MAP3K12: variants seen among roughly 807,000 people sequenced by gnomAD.
MAP3K12 encodes the protein MAPK-upstream kinase.
Under a neutral mutation model 87.5 loss-of-function variants are expected in MAP3K12, and 14 were observed. The ratio of observed to expected loss-of-function variants is 0.16; its 90% CI spans 0.11 to 0.25. The LOEUF (loss-of-function observed/expected upper bound fraction) is 0.25. MAP3K12 is among the 10% of genes least tolerant of loss of function. The pLI is 1.00. For missense variants in MAP3K12, 802 were observed against 1,140.4 expected, an observed-to-expected ratio of 0.70 and a Z score of 4.27; for synonymous variants, 469 against 452.5, an observed-to-expected ratio of 1.04 and a Z score of -0.46.
chr12:53,490,539 A>T (rs1212211991), intron 1 of MAP3K12, among the ~76,000 whole-genome samples: 1 of 151,998 alleles, frequency 6.6e-6, no homozygotes, highest in Non-Finnish European at 1.5e-5. Flanking sequence ...AGGTCAGGAG[A>T]TCGAGACCAT....
rs1943246856 is a variant in MAP3K12, at chr12:53,487,079, C to T, written c.313G>A (p.Val105Ile). 2 of 1,613,986 alleles carry T rather than the reference C, an allele frequency of 1.2e-6. No homozygotes were observed. The highest frequency in any genetic ancestry group is 1.7e-6 in the Non-Finnish European group (2 of 1,180,010). ...TGCAGTCGCACCTCGTCAGCTCGAA[C>T]TCTGGATGCCCGACTCTCAGGTGAC... ...AGSPESRASR[V>I]RADEVRLQCQ... The change falls in exon 2 of 14, where the codon GTT becomes ATT. Residue 105 changes from valine (V) to isoleucine (I), a missense_variant. Physicochemically the swap from Val to Ile is conservative, Grantham distance 29 (BLOSUM62 3). This residue lies in a region of MAP3K12 where 135 missense variants were observed against 151.6 expected (regional missense o/e 0.89). Coordinates refer to ENST00000547488, the MANE Select transcript of MAP3K12 (RefSeq NM_001193511.2).
chr12:53,489,219 C>T (rs1943333896), intron 1 of MAP3K12, among the ~76,000 whole-genome samples: 1 of 152,018 alleles, frequency 6.6e-6, no homozygotes, highest in Non-Finnish European at 1.5e-5. Flanking sequence ...GGTCCCAGCT[C>T]CTCTGGAGGC....
intron 1 of MAP3K12, among the ~76,000 whole-genome samples, chr12:53,496,826 T>C (rs1318918632): frequency 6.6e-6 from 1 of 152,178 alleles, no homozygotes; most frequent in Non-Finnish European, 1.5e-5. Flanking sequence ...ATTAGGACAG[T>C]TGTGCAATAG....
Position 53,486,866 on chromosome 12 carries a change from TTGCG to T in MAP3K12, c.445+77_445+80del. ...TGGGCCATGGGGAGGGAAGGGACCA[TTGCG>T]TGACTTTAGCGGAGCTGACCAACAG... On this transcript the variant is annotated intron_variant, in intron 2 of 13. Transcript: ENST00000547488. The surrounding 1 kb of genome is among the most constrained non-coding windows in gnomAD (Gnocchi z 4.9). 6.3e-7 allele frequency: 1 copy of T among 1,574,864 alleles called. No individual in the cohort carries two copies. The highest frequency in any genetic ancestry group is 8.6e-7 in the Non-Finnish European group (1 of 1,158,200).
rs115000617 is a variant in MAP3K12 at position 53,482,823 on chromosome 12, G to A, written c.1980C>T (p.Gly660=). The change falls in exon 11 of 14, where the codon GGC becomes GGT. Residue 660 remains glycine, a synonymous_variant. Coordinates refer to ENST00000547488, the MANE Select transcript of MAP3K12 (RefSeq NM_001193511.2). The part of the protein sequence containing the change: ...ALGSRGRGAT[G]GAGDPGSPPP... Reference sequence around the variant, plus strand: ...GTGGTGAGCCAGGATCCCCAGCTCCGCCTGTGGCCCCCCGGCCCCGGGACC... The same window carrying A: ...GTGGTGAGCCAGGATCCCCAGCTCCACCTGTGGCCCCCCGGCCCCGGGACC... 1,103 of 1,610,996 alleles carry A rather than the reference G, an allele frequency of 6.8e-4. No homozygotes were observed. Among genetic ancestry groups the A allele is most frequent in the Non-Finnish European group, 8.8e-4 (1,042 of 1,178,094 alleles).
chr12:53,497,560 C>G (rs917204568), intron 1 of MAP3K12, among the ~76,000 whole-genome samples: 3 of 152,216 alleles, frequency 2.0e-5, no homozygotes, highest in African/African-American at 7.2e-5. Context: ...GTCTCTGTGG[C>G]CAGGCCCTCA....
chr12:53,494,845 C>A (rs1036700162), intron 1 of MAP3K12, among the ~76,000 whole-genome samples: 7 of 152,148 alleles, frequency 4.6e-5, no homozygotes, highest in African/African-American at 1.7e-4. Flanking sequence ...GGTCTCTGAT[C>A]AATCGTGGCC....
upstream of MAP3K12, chr12:53,500,380 G>C (rs1943657011): frequency 6.6e-6 from 1 of 152,196 alleles, no homozygotes. Flanking sequence ...CAAGACTCAT[G>C]GAAGAGGGAA....
intron 1 of MAP3K12, among the ~76,000 whole-genome samples, chr12:53,489,427 A>G (rs1943340484): frequency 6.6e-6 from 1 of 152,210 alleles, no homozygotes; most frequent in South Asian, 2.1e-4. Context: ...ACAAAGGAAT[A>G]AACTGGCTGT....
chr12:53,482,930 G>A lies in MAP3K12; in HGVS notation c.1873C>T (p.Pro625Ser). The change falls in exon 11 of 14, where the codon CCC becomes TCC. Residue 625 changes from proline to serine, a missense_variant. Pro to Ser is a moderately conservative substitution (Grantham distance 74, BLOSUM62 -1). This residue lies in a region of MAP3K12 where 490 missense variants were observed against 496.6 expected (regional missense o/e 0.99). Transcript: ENST00000547488. ...GGPSAWEACPPALRGLHHDLL... is the reference protein window; with the variant it reads ...GGPSAWEACPSALRGLHHDLL... ...TCATGATGAAGCCCACGGAGGGCGG[G>A]AGGGCAGGCCTCCCAGGCTGAGGGT... 5.6e-6 allele frequency: 9 copies of A among 1,608,524 alleles called. No individual in the cohort carries two copies. Among genetic ancestry groups the A allele is most frequent in the Non-Finnish European group, 7.6e-6 (9 of 1,179,440 alleles).
intron 1 of MAP3K12, among the ~76,000 whole-genome samples, chr12:53,491,983 G>C (rs1478275774): frequency 6.6e-6 from 1 of 151,364 alleles, no homozygotes; most frequent in Non-Finnish European, 1.5e-5. Context: ...GCTAAGGTGG[G>C]AGAATCGCTT....
chr12:53,495,253 G>A (rs1289859102), intron 1 of MAP3K12, among the ~76,000 whole-genome samples: 10 of 148,314 alleles, frequency 6.7e-5, no homozygotes, highest in Admixed American at 6.1e-4. Flanking sequence ...GCAGGAGAAT[G>A]GCGTGAACCC....
rs780271634 is a variant in MAP3K12 at position 53,485,520 on chromosome 12, C to T, written c.822-45G>A. The T allele has an allele frequency of 1.7e-5, 27 of 1,583,802 alleles. No homozygotes were observed. In the Middle Eastern group the frequency reaches 5.2e-4, roughly 31 times the overall value. ...GCTGGGGTCCACACCCCTCCACACA[C>T]CTCATCTAACTCTGCAGCAACTCTG... On this transcript the variant is annotated intron_variant, in intron 4 of 13. Coordinates refer to ENST00000547488, the MANE Select transcript of MAP3K12 (RefSeq NM_001193511.2).
chr12:53,487,510 C>G, intron 1 of MAP3K12, 82 bp from the exon 2 acceptor site: 1 of 1,401,290 alleles, frequency 7.1e-7, no homozygotes, highest in Middle Eastern at 2.7e-4. Flanking sequence ...GAGGCACAGA[C>G]TGGGGTGCTG....
At chr12:53,501,514 A>C, upstream of MAP3K12, 1 of 1,550,774 alleles carries the variant, frequency 6.4e-7, no homozygotes, top group South Asian at 1.2e-5. Flanking sequence ...GGCCGTGCGG[A>C]GGGAGTAGCG....
In MAP3K12 at chr12:53,482,352, C is replaced by G; in HGVS notation, c.2256G>C (p.Ser752=). The change falls in exon 12 of 14, where the codon TCG becomes TCC. Residue 752 remains serine, a synonymous_variant. Transcript: ENST00000547488. ...TGTCTACCTCTCCTTCCTCCTCTTC[C>G]GATGAGATGCCACGTTTCTGCAGGA... ...VTRSQKRGIS[S]EEEEGEVDSE... 1 of 1,613,754 alleles carries G rather than the reference C, an allele frequency of 6.2e-7. No homozygotes were observed. The highest frequency in any genetic ancestry group is 8.5e-7 in the Non-Finnish European group (1 of 1,179,974).
chr12:53,498,075 G>A (rs777144228), intron 1 of MAP3K12, among the ~76,000 whole-genome samples: 71 of 152,314 alleles, frequency 4.7e-4, no homozygotes, highest in Non-Finnish European at 6.5e-4. Context: ...TCCATGTTGA[G>A]AGCTGGGGTT....
At chr12:53,497,245 G>C (rs1943563702) in intron 1 of MAP3K12, among the ~76,000 whole-genome samples, 1 of 152,166 alleles carries the variant, frequency 6.6e-6, no homozygotes, top group South Asian at 2.1e-4. Flanking sequence ...CTCTCTATAA[G>C]CATTAGCCAT....
In MAP3K12 at chr12:53,482,745, G is replaced by A; in HGVS notation, c.2058C>T (p.Thr686=). The change falls in exon 11 of 14, where the codon ACC becomes ACT. Residue 686 remains threonine (T), a synonymous_variant. Transcript: ENST00000547488. ...TGGCTCCCCCAGGTGAATCTGGGCT[G>A]GTGGAGCCAGGGGCTGAGCCCTCAC... ...PPSEGSAPGS[T]SPDSPGGAKG... is the part of the protein sequence containing the mutation. 1 of 1,614,050 alleles carries A rather than the reference G, an allele frequency of 6.2e-7. No homozygotes were observed. The highest frequency in any genetic ancestry group is 8.5e-7 in the Non-Finnish European group (1 of 1,180,004).
Sources: gnomAD v4.1 joint callset for allele counts (sites outside exome capture counted in the v4.1 genomes callset) on GRCh38, gnomAD v4.1.1 for gene constraint, gnomAD v4.1.1 regional missense constraint, Gnocchi (gnomAD v3.1) non-coding constraint, MANE v1.5 for transcripts, NCBI Gene and HGNC (gene_info 2026-07-23, HGNC 2026-07-21) for gene names.